CRYGA: variants seen among roughly 807,000 people sequenced by gnomAD.
The protein encoded by CRYGA is gamma-crystallin A.
Under a neutral mutation model 13.8 loss-of-function variants are expected in CRYGA, and 11 were observed. The ratio of observed to expected loss-of-function variants is 0.80; its 90% CI spans 0.50 to 1.32. The LOEUF (loss-of-function observed/expected upper bound fraction) is 1.32. Among genes scored for constraint, CRYGA ranks in the 40% most tolerant of loss-of-function variants. The pLI is 0.00. For missense variants in CRYGA, 271 were observed against 234.1 expected (o/e 1.16, Z -1.03); for synonymous variants, 97 against 89.3 (o/e 1.09, Z -0.48).
chr2:208,163,100 G>A lies in CRYGA; in HGVS notation c.252+104C>T, dbSNP rs1378832035. 5 of 925,086 alleles carry A rather than the reference G, an allele frequency of 5.4e-6. No homozygotes were observed. The South Asian group carries it at 6.2e-5, about 11-fold the overall frequency. The allele number at this position is 925,086 out of a possible 1,614,324, so 57.3% of individuals were successfully genotyped here. A position where few individuals can be genotyped will look rare whatever the true frequency, so the allele number is the denominator to read the frequency against. ...AGGGTCAGGCCTTGCTATTCTTACT[G>A]TGAACACTCATCCTGTGTTGGAACA... is the stretch of plus-strand genomic sequence containing the variant. On this transcript the variant is annotated intron_variant, in intron 2 of 2. Transcript: ENST00000304502.
rs1213610544 is a variant in CRYGA, at chr2:208,163,402, A to G, written c.54T>C (p.Asn18=). 4 of 1,613,858 alleles carry G rather than the reference A, an allele frequency of 2.5e-6. No homozygotes were observed. In the South Asian group the frequency reaches 4.4e-5, roughly 18 times the overall value. ...EDRDFQGRCY[N]CISDCPNLRV... ...GCAGGTTGGGGCAGTCACTGATGCAATTGTAGCAGCGACCCTGAAAGTCTC... is the reference window on the plus strand; with the variant it reads ...GCAGGTTGGGGCAGTCACTGATGCAGTTGTAGCAGCGACCCTGAAAGTCTC... The change falls in exon 2 of 3, where the codon AAT becomes AAC. Residue 18 remains asparagine (N), a synonymous_variant. Transcript: ENST00000304502.
chr2:208,162,886 T>G (rs1208006423), intron 2 of CRYGA, among the ~76,000 whole-genome samples: 3 of 131,074 alleles, frequency 2.3e-5, no homozygotes, highest in Non-Finnish European at 4.8e-5. Flanking sequence ...AGACTTTTCT[T>G]TTTTTTCTTT....
chr2:208,162,381 C>G (rs1695777003), intron 2 of CRYGA, among the ~76,000 whole-genome samples: 1 of 152,086 alleles, frequency 6.6e-6, no homozygotes, highest in Admixed American at 6.6e-5. Context: ...AATTGTGTGT[C>G]TCTGATATTT....
intron 2 of CRYGA, among the ~76,000 whole-genome samples, chr2:208,162,246 A>G (rs1695774115): frequency 1.3e-5 from 2 of 152,144 alleles, no homozygotes; most frequent in African/African-American, 2.4e-5. Context: ...CGTGATTTCA[A>G]TTCTTGAATC....
At position 208,160,942 on chromosome 2, in the gene CRYGA, G is replaced by A; in HGVS notation, c.387C>T (p.Gly129=). 9 of 1,613,690 alleles carry A rather than the reference G, an allele frequency of 5.6e-6. No homozygotes were observed. The highest frequency in any genetic ancestry group is 7.6e-6 in the Non-Finnish European group (9 of 1,179,720). The change falls in exon 3 of 3, where the codon GGC becomes GGT. Residue 129 remains glycine, a synonymous_variant. Coordinates refer to ENST00000304502, the MANE Select transcript of CRYGA (RefSeq NM_014617.4). The part of the protein sequence containing the change: ...PEIYSLHVLE[G]CWVLYEMPNY... ...TGGGCATTTCATAGAGGACCCAGCA[G>A]CCCTCCAGTACGTGGAGGGAATAGA... is the stretch of plus-strand genomic sequence containing the variant.
intron 2 of CRYGA, among the ~76,000 whole-genome samples, chr2:208,161,396 T>A (rs1019395593): frequency 4.6e-5 from 7 of 152,114 alleles, no homozygotes; most frequent in Non-Finnish European, 1.5e-5. Context: ...CCCAGGCTGG[T>A]CTTGAATCCC....
Position 208,163,330 on chromosome 2 carries a change from G to C in CRYGA, c.126C>G (p.Cys42Trp). 6.2e-7 allele frequency: 1 copy of C among 1,614,068 alleles called. No individual in the cohort carries two copies. Among genetic ancestry groups the C allele is most frequent in the Non-Finnish European group, 8.5e-7 (1 of 1,180,022 alleles). Residue 42 changes from cysteine to tryptophan, a missense_variant, in exon 2 of 3, where the codon TGC (cysteine) becomes TGG (tryptophan). Transcript: ENST00000304502. ...AATTGGGACGCTCATAGAGCATCCA[G>C]CAGCCGCTGTCTACTCGGATGGAGT... is the stretch of plus-strand genomic sequence containing the variant. ...RCNSIRVDSG[C>W]WMLYERPNYQ... is the part of the protein sequence containing the mutation.
In CRYGA at chr2:208,161,034, G is replaced by A. The variant is rs116344874; in HGVS notation, c.295C>T (p.Arg99Ter). ...TCAGTGAGCTCAGACATAAGGCCTC[G>A]GTAGTCATCTCTCTCGTACAGCCTT... Reference protein sequence around the residue: ...KLRLYERDDYRGLMSELTDDC... With the variant: ...KLRLYERDDY Residue 99 changes from arginine (R) to a stop codon, truncating the protein, a stop_gained, in exon 3 of 3, where the codon CGA becomes TGA. Transcript: ENST00000304502. LOFTEE classifies it high-confidence loss of function. 1,667 of 1,614,074 alleles carry A rather than the reference G, an allele frequency of 1.0e-3. 23 individuals are homozygous for A. The Admixed American group carries it at 0.024, about 23-fold the overall frequency.
In CRYGA at chr2:208,163,541, G is replaced by T. The variant is rs1695806203; in HGVS notation, c.9+7C>A. 1 of 1,610,766 alleles carries T rather than the reference G, an allele frequency of 6.2e-7. No individual in the cohort carries two copies. The highest frequency in any genetic ancestry group is 8.5e-7 in the Non-Finnish European group (1 of 1,179,464). On this transcript the variant is annotated splice_region_variant and intron_variant, in intron 1 of 2. Coordinates refer to ENST00000304502, the MANE Select transcript of CRYGA (RefSeq NM_014617.4). ...ATAGACATGGCACAGCACCTCCACAGGCTCACCTTCCCCATGGTTGTTGAC... is the reference window on the plus strand; with the variant it reads ...ATAGACATGGCACAGCACCTCCACATGCTCACCTTCCCCATGGTTGTTGAC...
chr2:208,160,957 G>C lies in CRYGA; in HGVS notation c.372C>G (p.Leu124=). Residue 124 remains leucine (L), a synonymous_variant, in exon 3 of 3, where the codon CTC becomes CTG. Coordinates refer to ENST00000304502, the MANE Select transcript of CRYGA (RefSeq NM_014617.4). The part of the protein sequence containing the change: ...ELFRLPEIYS[L]HVLEGCWVLY... ...GGACCCAGCAGCCCTCCAGTACGTG[G>C]AGGGAATAGATCTCAGGGAGACGGA... 6.2e-7 allele frequency: 1 copy of C among 1,614,018 alleles called. No homozygotes were observed. Among genetic ancestry groups the C allele is most frequent in the Non-Finnish European group, 8.5e-7 (1 of 1,179,966 alleles).
At chr2:208,161,129 G>A (rs1695750342) in intron 2 of CRYGA, 53 bp from the exon 3 acceptor site, 2 of 1,538,486 alleles carry the variant, frequency 1.3e-6, no homozygotes, top group Non-Finnish European at 8.9e-7. Flanking sequence ...ATCCTTGGGT[G>A]TCAACGAAAG....
Position 208,160,985 on chromosome 2 carries a change from A to G in CRYGA, c.344T>C (p.Leu115Pro). ...GGAATAGATCTCAGGGAGACGGAAC[A>G]GTTCTGGAACACAGGCGCAGTCATC... ...LTDDCACVPE[L>P]FRLPEIYSLH... Residue 115 changes from leucine to proline, a missense_variant, in exon 3 of 3, where the codon CTG becomes CCG. By Grantham distance (98) the Leu-to-Pro change is moderately conservative. Coordinates refer to ENST00000304502, the MANE Select transcript of CRYGA (RefSeq NM_014617.4). 1 of 1,613,980 alleles carries G rather than the reference A, an allele frequency of 6.2e-7. No homozygotes were observed. Among genetic ancestry groups the G allele is most frequent in the Non-Finnish European group, 8.5e-7 (1 of 1,179,882 alleles).
At chr2:208,162,743 G>C (rs1574347871) in intron 2 of CRYGA, among the ~76,000 whole-genome samples, 1 of 152,238 alleles carries the variant, frequency 6.6e-6, no homozygotes, top group East Asian at 1.9e-4. Flanking sequence ...GGAGGCTGAG[G>C]CGGGAGAATC....
chr2:208,163,177 C>T (rs746403438), intron 2 of CRYGA, 27 bp downstream of exon 2: 1 of 1,590,688 alleles, frequency 6.3e-7, no homozygotes, highest in African/African-American at 1.3e-5. Flanking sequence ...GATGCTTTCA[C>T]ATCAGTCAAG....
rs369076657 is a variant in CRYGA at position 208,163,451 on chromosome 2, G to C, written c.10-5C>G. On this transcript the variant is annotated splice_region_variant and splice_polypyrimidine_tract_variant and intron_variant, in intron 1 of 2. Transcript: ENST00000304502. Reference sequence around the variant, plus strand: ...TCGGTCCTCGTAGAAGGTGATCTGAGGTAGAAATAAGGTGACAGTAGACAG... The same window carrying C: ...TCGGTCCTCGTAGAAGGTGATCTGACGTAGAAATAAGGTGACAGTAGACAG... 1.4e-4 allele frequency: 218 copies of C among 1,613,308 alleles called. No homozygotes were observed. Among genetic ancestry groups the C allele is most frequent in the Non-Finnish European group, 1.8e-4 (218 of 1,179,922 alleles).
At position 208,160,903 on chromosome 2, in the gene CRYGA, C is replaced by G. The variant is rs762205411; in HGVS notation, c.426G>C (p.Arg142=). ...AGTCCCCAGGCCTCAGCAGATACTG[C>G]CGCCCCCGGTAGTTGGGCATTTCAT... ...VLYEMPNYRG[R]QYLLRPGDYR... The change falls in exon 3 of 3, where the codon CGG becomes CGC. Residue 142 remains arginine (R), a synonymous_variant. Transcript: ENST00000304502. The G allele has an allele frequency of 3.1e-6, 5 of 1,612,502 alleles. No individual in the cohort carries two copies. In the Admixed American group the frequency reaches 5.0e-5, roughly 16 times the overall value.
Position 208,163,412 on chromosome 2 carries a change from C to A in CRYGA, c.44G>T (p.Arg15Leu), listed in dbSNP as rs532100898. The A allele has an allele frequency of 6.2e-7, 1 of 1,613,728 alleles. No individual in the cohort carries two copies. Among genetic ancestry groups the A allele is most frequent in the East Asian group, 2.2e-5 (1 of 44,864 alleles). Reference sequence around the variant, plus strand: ...GCAGTCACTGATGCAATTGTAGCAGCGACCCTGAAAGTCTCGGTCCTCGTA... The same window carrying A: ...GCAGTCACTGATGCAATTGTAGCAGAGACCCTGAAAGTCTCGGTCCTCGTA... ...TFYEDRDFQGRCYNCISDCPN... is the reference protein window; with the variant it reads ...TFYEDRDFQGLCYNCISDCPN... Residue 15 changes from arginine (R) to leucine (L), a missense_variant, in exon 2 of 3, where the codon CGC becomes CTC. By Grantham distance (102) the Arg-to-Leu change is moderately radical. Coordinates refer to ENST00000304502, the MANE Select transcript of CRYGA (RefSeq NM_014617.4).
chr2:208,163,377 G>A lies in CRYGA; in HGVS notation c.79C>T (p.Arg27Trp), dbSNP rs779686715. 1.2e-5 allele frequency: 20 copies of A among 1,613,844 alleles called. No individual in the cohort carries two copies. In the East Asian group the frequency reaches 3.1e-4, roughly 25 times the overall value. ...YNCISDCPNL[R>W]VYFSRCNSIR... is the part of the protein sequence containing the mutation. ...GAGTTGCAGCGGCTGAAGTAGACCC[G>A]CAGGTTGGGGCAGTCACTGATGCAA... The change falls in exon 2 of 3, where the codon CGG becomes TGG. Residue 27 changes from arginine to tryptophan, a missense_variant. Coordinates refer to ENST00000304502, the MANE Select transcript of CRYGA (RefSeq NM_014617.4).
intron 2 of CRYGA, among the ~76,000 whole-genome samples, chr2:208,162,782 T>C (rs577255605): frequency 4.1e-4 from 62 of 151,944 alleles, no homozygotes; most frequent in Admixed American, 3.1e-3. Context: ...GGGGTTGTGG[T>C]GAGCTGAGAT....
Sources: allele counts gnomAD v4.1 joint callset (sites outside exome capture counted in the v4.1 genomes callset), GRCh38; gene constraint gnomAD v4.1.1; transcripts MANE v1.5; gene names NCBI Gene and HGNC (gene_info 2026-07-23, HGNC 2026-07-21).